MRTFB: variants seen among roughly 807,000 people sequenced by gnomAD.
MRTFB encodes the protein myocardin related transcription factor B.
MRTFB carries 29 observed loss-of-function variants against 104.2 expected under a neutral mutation model. The ratio of observed to expected loss-of-function variants is 0.28; its 90% CI spans 0.21 to 0.38. MRTFB has a LOEUF of 0.38. MRTFB is among the 10% of genes least tolerant of loss of function. The pLI is 1.00. For synonymous variants in MRTFB, 535 were observed against 519.5 expected (o/e 1.03, Z -0.41); for missense variants, 1,270 against 1,341.6 (o/e 0.95, Z 0.83).
intron 2 of MRTFB, among the ~76,000 whole-genome samples, chr16:14,104,200 G>C (rs904669931): frequency 4.6e-5 from 7 of 152,228 alleles, no homozygotes; most frequent in African/African-American, 1.7e-4. Context: ...AATTTAGCCA[G>C]AAAGACTGAA....
At chr16:14,026,134 T>C in the MRTFB span, among the ~76,000 whole-genome samples, 4 of 152,192 alleles carry the variant, frequency 2.6e-5, no homozygotes, top group Non-Finnish European at 4.4e-5. Context: ...TTACAAAATT[T>C]ACACAGAAAG....
At chr16:14,162,802 A>G (rs571910497) in intron 3 of MRTFB, among the ~76,000 whole-genome samples, 26 of 152,344 alleles carry the variant, frequency 1.7e-4, no homozygotes, top group African/African-American at 6.0e-4. Context: ...TCCTGATGCC[A>G]GTTGTGTGGA....
intron 3 of MRTFB, chr16:14,144,533 A>G (rs550591523): frequency 6.6e-6 from 1 of 152,218 alleles, no homozygotes; most frequent in South Asian, 2.1e-4. Flanking sequence ...AAAATTGCTA[A>G]GATAGTAGAT....
the MRTFB span, among the ~76,000 whole-genome samples, chr16:14,029,512 T>C: frequency 8.0e-4 from 83 of 103,380 alleles, no homozygotes; most frequent in African/African-American, 3.0e-3. Flanking sequence ...TACACATATA[T>C]ATACACACAC....
At chr16:14,067,887 A>G (rs2033539608), upstream of MRTFB, among the ~76,000 whole-genome samples, 1 of 152,154 alleles carries the variant, frequency 6.6e-6, no homozygotes, top group Admixed American at 6.5e-5. Context: ...GCTGGAGTGC[A>G]GTGGTGTAAT....
In MRTFB at chr16:14,134,811, GC is replaced by G. The variant is rs34580802; in HGVS notation, c.-63-5732del. ...CCATGTTATCAGGGCAGGAATGTGAGCTCTGAAGTTGGAAACATGGCTTTGA... is the reference window on the plus strand; with the variant it reads ...CCATGTTATCAGGGCAGGAATGTGAGTCTGAAGTTGGAAACATGGCTTTGA... On this transcript the variant is annotated intron_variant, in intron 2 of 16. Coordinates refer to ENST00000571589, the MANE Select transcript of MRTFB (RefSeq NM_001308142.2). Among the ~76,000 whole-genome samples the G allele has an allele frequency of 9.9e-3, 1,500 of 152,272 alleles. 12 individuals carry two copies. The highest frequency in any genetic ancestry group is 0.016 in the Non-Finnish European group (1,098 of 68,012).
Position 14,219,013 on chromosome 16 carries a change from G to A in MRTFB, c.693+15G>A, listed in dbSNP as rs1001391056. 1 of 1,573,290 alleles carries A rather than the reference G, an allele frequency of 6.4e-7. No homozygotes were observed. The highest frequency in any genetic ancestry group is 8.6e-7 in the Non-Finnish European group (1 of 1,157,858). On this transcript the variant is annotated intron_variant, in intron 8 of 16. Transcript: ENST00000571589. ...CTCCAGCGCAGGTATTATCTTTCTG[G>A]TTTTGACCCCTAAAGAAAGAAAATG...
At chr16:14,211,873 C>T (rs1222166843) in intron 4 of MRTFB, among the ~76,000 whole-genome samples, 2 of 152,172 alleles carry the variant, frequency 1.3e-5, no homozygotes, top group African/African-American at 4.8e-5. Flanking sequence ...ATTGCAGGGA[C>T]CAACAGCAAC....
intron 3 of MRTFB, among the ~76,000 whole-genome samples, chr16:14,180,528 AATGATTGGAGC>A (rs748259477): frequency 4.0e-4 from 61 of 152,160 alleles, no homozygotes; most frequent in Non-Finnish European, 6.6e-4. Flanking sequence ...TACTCATGCT[AATGATTGGAGC>A]AGGAAGAGAC....
At chr16:14,192,861 C>T (rs1183056894) in intron 3 of MRTFB, among the ~76,000 whole-genome samples, 3 of 152,148 alleles carry the variant, frequency 2.0e-5, no homozygotes, top group Admixed American at 6.5e-5. Context: ...CCTGTCCACC[C>T]AGTGGCTCCT....
the MRTFB span, among the ~76,000 whole-genome samples, chr16:14,039,478 A>G: frequency 2.0e-5 from 3 of 152,232 alleles, no homozygotes; most frequent in African/African-American, 4.8e-5. Context: ...GAAGGCAAGG[A>G]TCACTGAGGG....
At chr16:14,212,586 G>C (rs1040829673) in intron 5 of MRTFB, among the ~76,000 whole-genome samples, 177 bp downstream of exon 5, 3 of 152,192 alleles carry the variant, frequency 2.0e-5, no homozygotes, top group African/African-American at 7.2e-5. Context: ...CTGGAGGTTT[G>C]CAGAAAATAC....
chr16:14,150,044 TTTAA>T (rs1235833935), intron 3 of MRTFB, among the ~76,000 whole-genome samples: 4 of 152,124 alleles, frequency 2.6e-5, no homozygotes, highest in African/African-American at 9.7e-5. Flanking sequence ...CAGTACATGT[TTTAA>T]TTAACCCAGT....
chr16:14,080,762 C>T (rs1383629208), intron 2 of MRTFB, among the ~76,000 whole-genome samples: 1 of 152,068 alleles, frequency 6.6e-6, no homozygotes, highest in African/African-American at 2.4e-5. Context: ...TAGTATTTGT[C>T]TTTCTGTGTC....
chr16:14,124,119 C>G (rs2036987869), intron 2 of MRTFB, among the ~76,000 whole-genome samples: 1 of 152,150 alleles, frequency 6.6e-6, no homozygotes, highest in African/African-American at 2.4e-5. Context: ...GATTTTGTAT[C>G]CTGAGACTTT....
the MRTFB span, among the ~76,000 whole-genome samples, chr16:14,057,131 T>G: frequency 3.9e-5 from 6 of 152,206 alleles, no homozygotes; most frequent in Admixed American, 1.3e-4. Context: ...ACACATTTTA[T>G]ACTTTATCGG....
intron 2 of MRTFB, among the ~76,000 whole-genome samples, chr16:14,101,875 G>C (rs922094322): frequency 6.6e-6 from 1 of 152,116 alleles, no homozygotes; most frequent in Non-Finnish European, 1.5e-5. Flanking sequence ...TTTTAAATAA[G>C]TGGAGTGAAA....
the MRTFB span, among the ~76,000 whole-genome samples, chr16:13,998,919 A>G: frequency 7.9e-6 from 1 of 125,804 alleles, no homozygotes; most frequent in African/African-American, 3.0e-5. Context: ...AAGGCCGGTC[A>G]TGGGGGCTCA....
At chr16:14,186,913 C>T in intron 3 of MRTFB, 1 of 1,598,202 alleles carries the variant, frequency 6.3e-7, no homozygotes, top group Non-Finnish European at 8.5e-7. Flanking sequence ...AAGCCTCTCA[C>T]CATGATCGAT....
Sources: allele counts gnomAD v4.1 joint callset (sites outside exome capture counted in the v4.1 genomes callset), GRCh38; gene constraint gnomAD v4.1.1; transcripts MANE v1.5; gene names NCBI Gene and HGNC (gene_info 2026-07-23, HGNC 2026-07-21).